UBE2W: variants seen among roughly 807,000 people sequenced by gnomAD.
UBE2W encodes ubiquitin conjugating enzyme E2 W, also known as ubiquitin-conjugating enzyme E2 W.
UBE2W carries 18 observed loss-of-function variants against 27.2 expected under a neutral mutation model. The ratio of observed to expected loss-of-function variants is 0.66; its 90% CI spans 0.46 to 0.98. The LOEUF (loss-of-function observed/expected upper bound fraction) is 0.98, where lower values mean the gene tolerates loss of function less well. Among genes scored for constraint, UBE2W ranks in the 50% least tolerant of loss-of-function variants. UBE2W has a pLI of 0.00. For missense variants in UBE2W, 90 were observed against 180.2 expected (o/e 0.50, Z 2.87); for synonymous variants, 53 against 57.2 (o/e 0.93, Z 0.33).
At chr8:73,806,972 G>C (rs562866774) in intron 4 of UBE2W, among the ~76,000 whole-genome samples, 3 of 152,128 alleles carry the variant, frequency 2.0e-5, no homozygotes, top group Admixed American at 6.5e-5. Flanking sequence ...GGGAGCTACC[G>C]CAGATAAAGT....
At chr8:73,832,742 C>G (rs1324537320) in intron 1 of UBE2W, among the ~76,000 whole-genome samples, 1 of 152,160 alleles carries the variant, frequency 6.6e-6, no homozygotes, top group Admixed American at 6.5e-5. Flanking sequence ...TGAACATTAC[C>G]TTTGAGTGTC....
At chr8:73,843,120 A>G (rs143680733) in intron 1 of UBE2W, among the ~76,000 whole-genome samples, 157 of 152,330 alleles carry the variant, frequency 1.0e-3, no homozygotes, top group African/African-American at 3.5e-3. Context: ...AATGTCTATA[A>G]CAGTCAAATC....
At chr8:73,839,916 T>C (rs1036152339) in intron 1 of UBE2W, among the ~76,000 whole-genome samples, 1 of 151,516 alleles carries the variant, frequency 6.6e-6, no homozygotes, top group Admixed American at 6.6e-5. Flanking sequence ...ATTTTAAACA[T>C]GGTGAGATGG....
chr8:73,866,176 CAGG>C (rs965799111), intron 1 of UBE2W, among the ~76,000 whole-genome samples: 1 of 148,700 alleles, frequency 6.7e-6, no homozygotes, highest in African/African-American at 2.5e-5. Context: ...GAGGCTGAAG[CAGG>C]AGAATTGCTT....
intron 1 of UBE2W, among the ~76,000 whole-genome samples, chr8:73,873,072 A>C (rs949565645): frequency 1.3e-5 from 2 of 151,332 alleles, no homozygotes; most frequent in Non-Finnish European, 2.9e-5. Flanking sequence ...CGCCTGGCTA[A>C]TTTTTTTTGT....
Position 73,806,643 on chromosome 8 carries a change from C to T in UBE2W, c.367-917G>A, listed in dbSNP as rs538403137. Among the ~76,000 whole-genome samples the T allele has an allele frequency of 4.7e-4, 69 of 146,984 alleles. No homozygotes were observed. In the South Asian group the frequency reaches 8.2e-3, roughly 17 times the overall value. The stretch of plus-strand genomic sequence containing the variant: ...AGGAGAATGGCGTGAGACTGGGAGG[C>T]GGAGCTTGCAATGAGCCGAGATTGC... On this transcript the variant is annotated intron_variant, in intron 4 of 5. Transcript: ENST00000602593.
intron 1 of UBE2W, among the ~76,000 whole-genome samples, chr8:73,868,343 C>A (rs1050556246): frequency 1.3e-5 from 2 of 152,150 alleles, no homozygotes; most frequent in Non-Finnish European, 2.9e-5. Flanking sequence ...TAGCCACATA[C>A]CCCACGGGGC....
rs180940295 is a variant in UBE2W, at chr8:73,844,136, A to G, written c.16-13664T>C. Among the ~76,000 whole-genome samples the G allele has an allele frequency of 1.5e-3, 223 of 151,060 alleles. 1 individual carries two copies. The highest frequency in any genetic ancestry group is 5.0e-3 in the African/African-American group (206 of 41,238). On this transcript the variant is annotated intron_variant, in intron 1 of 5. Coordinates refer to ENST00000602593, the MANE Select transcript of UBE2W (RefSeq NM_018299.6). ...AAACATCACTGTGAAAGCATAAAAC[A>G]CCAATTAAAAAGAGCTAATTCCCCT...
intron 1 of UBE2W, among the ~76,000 whole-genome samples, chr8:73,871,200 G>A (rs1811996375): frequency 6.6e-6 from 1 of 152,198 alleles, no homozygotes; most frequent in Non-Finnish European, 1.5e-5. Context: ...CAGAAAATCA[G>A]TTGAATTCTG....
chr8:73,849,927 A>G (rs530607488), intron 1 of UBE2W, among the ~76,000 whole-genome samples: 1 of 152,262 alleles, frequency 6.6e-6, no homozygotes, highest in Non-Finnish European at 1.5e-5. Context: ...AAAAGATAGA[A>G]TAACTATATA....
At chr8:73,839,516 G>C (rs1007286984) in intron 1 of UBE2W, among the ~76,000 whole-genome samples, 3 of 151,696 alleles carry the variant, frequency 2.0e-5, no homozygotes, top group African/African-American at 7.3e-5. Flanking sequence ...AATCAGCCGG[G>C]CATGGTGGCA....
chr8:73,852,383 G>A (rs1811117600), intron 1 of UBE2W, among the ~76,000 whole-genome samples: 1 of 152,116 alleles, frequency 6.6e-6, no homozygotes, highest in African/African-American at 2.4e-5. Flanking sequence ...GAAGTTATCT[G>A]TCTAGTATTC....
At chr8:73,836,950 A>G (rs905091438) in intron 1 of UBE2W, among the ~76,000 whole-genome samples, 11 of 152,226 alleles carry the variant, frequency 7.2e-5, no homozygotes, top group Non-Finnish European at 1.3e-4. Context: ...ACCATGGGGG[A>G]AAAGGGAGAA....
rs143069823 is a variant in UBE2W at position 73,854,925 on chromosome 8, C to T, written c.15+23883G>A. On this transcript the variant is annotated intron_variant, in intron 1 of 5. Transcript: ENST00000602593. Reference sequence around the variant, plus strand: ...AGAGAAAATAAAATGTTAAGAAAATCGTAAGGAAGAGAAAATACATTTACA... The same window carrying T: ...AGAGAAAATAAAATGTTAAGAAAATTGTAAGGAAGAGAAAATACATTTACA... Among the ~76,000 whole-genome samples the T allele has an allele frequency of 2.7e-4, 41 of 152,244 alleles. No individual in the cohort carries two copies. In the East Asian group the frequency reaches 4.0e-3, roughly 15 times the overall value.
At chr8:73,846,152 C>T (rs536370247) in intron 1 of UBE2W, among the ~76,000 whole-genome samples, 103 of 152,304 alleles carry the variant, frequency 6.8e-4, no homozygotes, top group African/African-American at 2.3e-3. Flanking sequence ...CTTTGGGAGG[C>T]TGAGGCGGGT....
intron 1 of UBE2W, among the ~76,000 whole-genome samples, chr8:73,870,585 G>A (rs1157627231): frequency 6.6e-6 from 1 of 152,080 alleles, no homozygotes; most frequent in African/African-American, 2.4e-5. Flanking sequence ...AAGGTTATCT[G>A]ATTCCAAAAG....
chr8:73,816,966 G>A (rs180944622), intron 3 of UBE2W, among the ~76,000 whole-genome samples: 13 of 152,094 alleles, frequency 8.5e-5, no homozygotes, highest in East Asian at 5.8e-4. Context: ...CCCGGGAGGC[G>A]GAGGTTGCAG....
intron 3 of UBE2W, among the ~76,000 whole-genome samples, chr8:73,812,376 C>G (rs960935671): frequency 6.6e-6 from 1 of 151,854 alleles, no homozygotes; most frequent in Non-Finnish European, 1.5e-5. Context: ...TTACATCTAT[C>G]GGTGCTAGTA....
At chr8:73,828,971 T>C (rs773501797) in intron 2 of UBE2W, among the ~76,000 whole-genome samples, 2 of 152,174 alleles carry the variant, frequency 1.3e-5, no homozygotes, top group Admixed American at 6.5e-5. Flanking sequence ...AACAATCTGA[T>C]TCTTTATAAG....
Sources: gnomAD v4.1 joint callset for allele counts (sites outside exome capture counted in the v4.1 genomes callset) on GRCh38, gnomAD v4.1.1 for gene constraint, MANE v1.5 for transcripts, NCBI Gene and HGNC (gene_info 2026-07-23, HGNC 2026-07-21) for gene names.